The following LAMA2 variants were observed in gnomAD, a reference collection of about 807,000 sequenced individuals.
LAMA2 encodes the protein laminin subunit alpha-2.
A neutral mutation model predicts 364.8 loss-of-function variants in LAMA2; 269 were observed. That is an observed-to-expected ratio of 0.74 (90% confidence interval 0.67 to 0.82). LAMA2 has a LOEUF of 0.82. Ranked by LOEUF, LAMA2 falls within the 40% of genes least tolerant of loss-of-function variation. The pLI, the probability that LAMA2 is intolerant of heterozygous loss-of-function variation, is 0.00. For synonymous variants in LAMA2, 1,379 were observed against 1,370.6 expected, an observed-to-expected ratio of 1.01 and a Z score of -0.14; for missense variants, 3,807 against 3,873.2, an observed-to-expected ratio of 0.98 and a Z score of 0.45.
chr6:129,353,119 T>A (rs750774212), intron 31 of LAMA2, 45 bp from the exon 32 acceptor site: 3 of 1,463,826 alleles, frequency 2.0e-6, no homozygotes, highest in South Asian at 2.3e-5. Context: ...TGTGGAGACA[T>A]GACTTGCTAT....
At chr6:128,965,834 G>A (rs535176930) in intron 1 of LAMA2, among the ~76,000 whole-genome samples, 1 of 152,024 alleles carries the variant, frequency 6.6e-6, no homozygotes, top group South Asian at 2.1e-4. Flanking sequence ...AATCCTGCTT[G>A]AGTCATCTTT....
chr6:129,366,858 G>A (rs1777806754), intron 33 of LAMA2, among the ~76,000 whole-genome samples: 1 of 152,162 alleles, frequency 6.6e-6, no homozygotes, highest in East Asian at 1.9e-4. Flanking sequence ...TTGAACCAGA[G>A]AGCCCCCTAC....
At chr6:129,005,700 T>G (rs1271134892) in intron 1 of LAMA2, among the ~76,000 whole-genome samples, 1 of 150,808 alleles carries the variant, frequency 6.6e-6, no homozygotes, top group Non-Finnish European at 1.5e-5. Flanking sequence ...CGTCTCTACT[T>G]GGGGGAAAAA....
intron 9 of LAMA2, among the ~76,000 whole-genome samples, chr6:129,169,741 C>A: frequency 7.3e-6 from 1 of 137,682 alleles, no homozygotes; most frequent in Non-Finnish European, 1.5e-5. Flanking sequence ...GGAATGGTAC[C>A]AGTTCCTCCT....
chr6:129,441,608 T>TA (rs1408653455), intron 43 of LAMA2, among the ~76,000 whole-genome samples: 3 of 152,146 alleles, frequency 2.0e-5, no homozygotes, highest in Admixed American at 6.5e-5. Flanking sequence ...GAAAATATCA[T>TA]AACTTATATT....
At position 129,451,792 on chromosome 6, in the gene LAMA2, T is replaced by C. The variant is rs552319780; in HGVS notation, c.6430-1196T>C. Among the ~76,000 whole-genome samples, 12 of 152,288 alleles carry C rather than the reference T, an allele frequency of 7.9e-5. No individual in the cohort carries two copies. In the South Asian group the frequency reaches 2.5e-3, roughly 32 times the overall value. On this transcript the variant is annotated intron_variant, in intron 45 of 64. Coordinates refer to ENST00000421865, the MANE Select transcript of LAMA2 (RefSeq NM_000426.4). ...ATGACCCTTGGAGAAGGGCCACAGTTCTGCCCATACTCAAACACAAATGAG... is the reference window on the plus strand; with the variant it reads ...ATGACCCTTGGAGAAGGGCCACAGTCCTGCCCATACTCAAACACAAATGAG...
intron 29 of LAMA2, among the ~76,000 whole-genome samples, chr6:129,333,039 C>T (rs761027625): frequency 2.0e-5 from 3 of 151,568 alleles, no homozygotes; most frequent in Non-Finnish European, 4.4e-5. Context: ...ATTACAGGCA[C>T]CTGCCACCAT....
chr6:129,021,592 G>A (rs894817797), intron 1 of LAMA2, among the ~76,000 whole-genome samples: 3 of 152,190 alleles, frequency 2.0e-5, no homozygotes, highest in African/African-American at 7.2e-5. Flanking sequence ...ATTAGCAGAA[G>A]CTTTGGAGAG....
At chr6:129,195,847 G>A (rs1781805769) in intron 12 of LAMA2, among the ~76,000 whole-genome samples, 1 of 152,138 alleles carries the variant, frequency 6.6e-6, no homozygotes, top group African/African-American at 2.4e-5. Context: ...TTTCAGAGTT[G>A]GGATAATTTA....
rs1363205674 is a variant in LAMA2, at chr6:129,237,969, C to A, written c.1783-12143C>A. ...GGCCATGAGTTCGAGACCTGCCTGG[C>A]CAACATGGTGAAACCCTGTGTTTAC... On this transcript the variant is annotated intron_variant, in intron 12 of 64. Transcript: ENST00000421865. Among the ~76,000 whole-genome samples the A allele has an allele frequency of 4.0e-5, 6 of 148,488 alleles. No homozygotes were observed. In the East Asian group the frequency reaches 1.2e-3, roughly 29 times the overall value.
chr6:129,440,943 A>G lies in LAMA2; in HGVS notation c.6213A>G (p.Lys2071=), dbSNP rs1476948364. Residue 2071 remains lysine (K), a synonymous_variant, in exon 43 of 65, where the codon AAA becomes AAG. Coordinates refer to ENST00000421865, the MANE Select transcript of LAMA2 (RefSeq NM_000426.4). The stretch of plus-strand genomic sequence containing the variant: ...ATGGCCTGAAGAAGAATTACAATAA[A>G]CTAGCAGACAGCGTCGCCAAAACGA... The part of the protein sequence containing the change: ...NLDGLKKNYN[K]LADSVAKTNA... The G allele has an allele frequency of 6.2e-7, 1 of 1,614,006 alleles. No homozygotes were observed. The highest frequency in any genetic ancestry group is 1.1e-5 in the South Asian group (1 of 91,092).
At chr6:129,473,179 CAAATA>C (rs1431698564) in intron 51 of LAMA2, 30 bp from the exon 52 acceptor site, 2 of 1,530,648 alleles carry the variant, frequency 1.3e-6, no homozygotes, top group Non-Finnish European at 1.8e-6. Flanking sequence ...TGATATTGCT[CAAATA>C]AAATGTTAAA....
chr6:129,302,388 G>A (rs1189333637), intron 22 of LAMA2, among the ~76,000 whole-genome samples: 1 of 151,944 alleles, frequency 6.6e-6, no homozygotes, highest in East Asian at 1.9e-4. Flanking sequence ...GCATTGCAAG[G>A]ATTATTTATA....
At chr6:129,158,342 C>T (rs1779248459) in intron 8 of LAMA2, 25 of 1,613,956 alleles carry the variant, frequency 1.5e-5, no homozygotes, top group Non-Finnish European at 2.1e-5. Context: ...AGAATACTTT[C>T]ACCGCCACTC....
chr6:128,965,905 A>ACT (rs1781807179), intron 1 of LAMA2, among the ~76,000 whole-genome samples: 1 of 144,392 alleles, frequency 6.9e-6, no homozygotes, highest in African/African-American at 2.6e-5. Context: ...AAAGACTTAT[A>ACT]CTCTTTGTCC....
chr6:129,240,067 G>C (rs1785293140), intron 12 of LAMA2, among the ~76,000 whole-genome samples: 1 of 152,182 alleles, frequency 6.6e-6, no homozygotes, highest in Non-Finnish European at 1.5e-5. Flanking sequence ...CAAATTACTG[G>C]TGTAAGTGCA....
intron 4 of LAMA2, among the ~76,000 whole-genome samples, chr6:129,111,832 G>A (rs2448013): frequency 0.69 from 104,584 of 151,818 alleles, 38,328 homozygotes; most frequent in East Asian, 0.83. Flanking sequence ...GGGAAGGGGG[G>A]AATAGCAAAT....
intron 1 of LAMA2, among the ~76,000 whole-genome samples, chr6:128,972,737 A>T (rs1013992805): frequency 4.6e-5 from 7 of 152,188 alleles, no homozygotes; most frequent in African/African-American, 1.7e-4. Context: ...GATTAAAAAA[A>T]ATGAAATTGG....
At chr6:129,418,055 C>G (rs571836367) in intron 40 of LAMA2, among the ~76,000 whole-genome samples, 1 of 152,074 alleles carries the variant, frequency 6.6e-6, no homozygotes, top group South Asian at 2.1e-4. Flanking sequence ...GTTCCTGGCT[C>G]CCACCAGCTC....
Sources: allele counts gnomAD v4.1 joint callset (sites outside exome capture counted in the v4.1 genomes callset), GRCh38; gene constraint gnomAD v4.1.1; transcripts MANE v1.5; gene names NCBI Gene and HGNC (gene_info 2026-07-23, HGNC 2026-07-21).